Variants in HMCN1 observed in about 807,000 individuals in gnomAD.
HMCN1 encodes hemicentin 1.
HMCN1 carries 321 observed loss-of-function variants against 625.9 expected under a neutral mutation model. The ratio of observed to expected loss-of-function variants is 0.51; its 90% CI spans 0.47 to 0.56. The LOEUF (loss-of-function observed/expected upper bound fraction) is 0.56. Ranked by LOEUF, HMCN1 falls within the 20% of genes least tolerant of loss-of-function variation. The pLI, the probability that HMCN1 is intolerant of heterozygous loss-of-function variation, is 0.00. For synonymous variants in HMCN1, 2,425 were observed against 2,417.6 expected, an observed-to-expected ratio of 1.00 and a Z score of -0.09; for missense variants, 6,588 against 6,887.3, an observed-to-expected ratio of 0.96 and a Z score of 1.54.
chr1:186,148,645 G>A (rs1008488799), intron 93 of HMCN1, among the ~76,000 whole-genome samples: 4 of 152,178 alleles, frequency 2.6e-5, no homozygotes, highest in African/African-American at 9.6e-5. Context: ...GTGATTACAA[G>A]TGCCCACCAC....
chr1:186,067,798 A>T, intron 49 of HMCN1, 36 bp from the exon 50 acceptor site: 1 of 1,432,130 alleles, frequency 7.0e-7, no homozygotes, highest in Non-Finnish European at 9.9e-7. Context: ...ACAAATTTCT[A>T]CATATATTTC....
chr1:186,008,448 A>C (rs1653780452), intron 30 of HMCN1, among the ~76,000 whole-genome samples: 1 of 152,132 alleles, frequency 6.6e-6, no homozygotes, highest in African/African-American at 2.4e-5. Flanking sequence ...GGCAAAGTAA[A>C]ATGTATTATT....
chr1:185,803,269 A>T (rs1369082786), intron 1 of HMCN1, among the ~76,000 whole-genome samples: 2 of 151,636 alleles, frequency 1.3e-5, no homozygotes, highest in South Asian at 2.1e-4. Flanking sequence ...ATAGTAAGAT[A>T]AAAAAGGGAA....
At chr1:185,809,679 G>C (rs150148336) in intron 1 of HMCN1, among the ~76,000 whole-genome samples, 296 of 152,002 alleles carry the variant, frequency 1.9e-3, no homozygotes, top group African/African-American at 6.6e-3. Flanking sequence ...TTGATATATA[G>C]ATATGATATA....
intron 68 of HMCN1, among the ~76,000 whole-genome samples, chr1:186,096,179 C>T (rs963756332): frequency 1.3e-5 from 2 of 152,108 alleles, no homozygotes; most frequent in Non-Finnish European, 2.9e-5. Context: ...GCAGAAAATA[C>T]ACCCTATAGA....
At chr1:185,761,976 A>T (rs547973297) in intron 1 of HMCN1, among the ~76,000 whole-genome samples, 1 of 152,210 alleles carries the variant, frequency 6.6e-6, no homozygotes, top group Non-Finnish European at 1.5e-5. Context: ...TGTACAAAGG[A>T]TAAGTTTCTG....
Position 185,865,715 on chromosome 1 carries a change from GTTTCTTT to G in HMCN1, c.499-22_499-16del. The G allele has an allele frequency of 2.6e-6, 4 of 1,532,576 alleles. No individual in the cohort carries two copies. Among genetic ancestry groups the G allele is most frequent in the Non-Finnish European group, 2.7e-6 (3 of 1,120,090 alleles). The allele number at this position is 1,532,576 out of a possible 1,614,324, so 94.9% of individuals were successfully genotyped here. On this transcript the variant is annotated intron_variant, in intron 3 of 106. Coordinates refer to ENST00000271588, the MANE Select transcript of HMCN1 (RefSeq NM_031935.3). ...TTTATTTCTGGAAACCCTTTACACT[GTTTCTTT>G]TTTTTTTTTTAATCATAGGTCGTAT...
At chr1:186,180,597 G>C (rs1317857522) in intron 104 of HMCN1, among the ~76,000 whole-genome samples, 4 of 152,162 alleles carry the variant, frequency 2.6e-5, no homozygotes, top group Non-Finnish European at 5.9e-5. Flanking sequence ...TCATAGTAGA[G>C]TCTTATAAAT....
rs1654303917 is a variant in HMCN1, at chr1:186,015,440, G to A, written c.4909+3G>A. The A allele has an allele frequency of 1.2e-6, 2 of 1,612,934 alleles. No individual in the cohort carries two copies. Among genetic ancestry groups the A allele is most frequent in the South Asian group, 1.1e-5 (1 of 91,044 alleles). On this transcript the variant is annotated splice_donor_region_variant and intron_variant, in intron 31 of 106. Coordinates refer to ENST00000271588, the MANE Select transcript of HMCN1 (RefSeq NM_031935.3). ...ATCATTCCATGTGGATGTCTATGGT[G>A]AGGAACAACATATGCTTTAATTATA...
intron 68 of HMCN1, among the ~76,000 whole-genome samples, chr1:186,099,830 A>C (rs765048988): frequency 2.6e-5 from 4 of 152,180 alleles, no homozygotes; most frequent in African/African-American, 4.8e-5. Context: ...GCAAGAGACA[A>C]GACAAGAACT....
chr1:185,875,685 C>T (rs936706044), intron 4 of HMCN1, among the ~76,000 whole-genome samples: 1 of 152,034 alleles, frequency 6.6e-6, no homozygotes, highest in Non-Finnish European at 1.5e-5. Context: ...GATCTCTATT[C>T]CTTCTCTGCC....
chr1:186,178,815 T>TC (rs1161707349), intron 104 of HMCN1, 49 bp downstream of exon 104: 2 of 1,207,882 alleles, frequency 1.7e-6, no homozygotes, highest in African/African-American at 3.0e-5. Context: ...CTCTTACTGA[T>TC]CAAAGTATGT....
intron 26 of HMCN1, among the ~76,000 whole-genome samples, chr1:186,000,587 GTGTGTATGTA>G: frequency 6.6e-6 from 1 of 150,500 alleles, no homozygotes; most frequent in Non-Finnish European, 1.5e-5. Flanking sequence ...GTGTGTGTGT[GTGTGTATGTA>G]TGTGTCTTCC....
chr1:185,867,876 C>T (rs1389366610), intron 4 of HMCN1, among the ~76,000 whole-genome samples: 2 of 152,050 alleles, frequency 1.3e-5, no homozygotes, highest in Non-Finnish European at 2.9e-5. Context: ...CGAGACCAGC[C>T]TGGCCAACAT....
At chr1:186,039,083 T>C (rs1476214175) in intron 38 of HMCN1, 78 bp downstream of exon 38, 1 of 979,642 alleles carries the variant, frequency 1.0e-6, no homozygotes, top group East Asian at 2.4e-5. Context: ...AAAATTCTTG[T>C]GTAAGTATTT....
chr1:185,998,554 A>G (rs1160875445), intron 25 of HMCN1, among the ~76,000 whole-genome samples: 1 of 152,094 alleles, frequency 6.6e-6, no homozygotes, highest in Admixed American at 6.6e-5. Context: ...AAGTACCATG[A>G]GTGTTCACTC....
At position 186,070,703 on chromosome 1, in the gene HMCN1, A is replaced by G. The variant is rs376095910; in HGVS notation, c.8085A>G (p.Glu2695=). ...KIKVNNTLTL[E]CEAYAIPSAS... Reference sequence around the variant, plus strand: ...AAGTAAACAACACTCTGACCTTGGAATGTGAAGCGTATGCAATTCCTTCTG... The same window carrying G: ...AAGTAAACAACACTCTGACCTTGGAGTGTGAAGCGTATGCAATTCCTTCTG... The change falls in exon 52 of 107, where the codon GAA becomes GAG. Residue 2695 remains glutamate, a synonymous_variant. Coordinates refer to ENST00000271588, the MANE Select transcript of HMCN1 (RefSeq NM_031935.3). The G allele has an allele frequency of 8.7e-6, 14 of 1,613,796 alleles. No individual in the cohort carries two copies. Among genetic ancestry groups the G allele is most frequent in the Non-Finnish European group, 1.0e-5 (12 of 1,179,838 alleles).
chr1:185,788,970 G>A (rs183248898), intron 1 of HMCN1, among the ~76,000 whole-genome samples: 103 of 151,848 alleles, frequency 6.8e-4, no homozygotes, highest in Middle Eastern at 6.8e-3. Flanking sequence ...TACAAAATAA[G>A]GTAAAGTTTT....
At chr1:185,821,962 A>T (rs1378388359) in intron 1 of HMCN1, among the ~76,000 whole-genome samples, 2 of 152,064 alleles carry the variant, frequency 1.3e-5, no homozygotes, top group Admixed American at 6.6e-5. Context: ...AGCCAATCTG[A>T]AAAGGCTATG....
Sources: allele counts gnomAD v4.1 joint callset (sites outside exome capture counted in the v4.1 genomes callset), GRCh38; gene constraint gnomAD v4.1.1; transcripts MANE v1.5; gene names NCBI Gene and HGNC (gene_info 2026-07-23, HGNC 2026-07-21).